SRPK2: variants seen among roughly 807,000 people sequenced by gnomAD.
SRPK2 encodes SRSF protein kinase 2.
Under a neutral mutation model 90.8 loss-of-function variants are expected in SRPK2, and 21 were observed. The ratio of observed to expected loss-of-function variants is 0.23; its 90% CI spans 0.16 to 0.33. The LOEUF (loss-of-function observed/expected upper bound fraction) is 0.33, where lower values mean the gene tolerates loss of function less well. SRPK2 is among the 10% of genes least tolerant of loss of function. SRPK2 has a pLI of 1.00. For missense variants in SRPK2, 620 were observed against 869.0 expected (o/e 0.71, Z 3.60); for synonymous variants, 288 against 311.1 (o/e 0.93, Z 0.78).
At chr7:105,231,938 ACCT>A (rs1401718978) in intron 2 of SRPK2, among the ~76,000 whole-genome samples, 4 of 152,148 alleles carry the variant, frequency 2.6e-5, no homozygotes, top group Non-Finnish European at 4.4e-5. Context: ...ACTCACTGTA[ACCT>A]TGAACTCCTG....
At chr7:105,306,004 G>C (rs958016031) in intron 2 of SRPK2, among the ~76,000 whole-genome samples, 8 of 152,190 alleles carry the variant, frequency 5.3e-5, no homozygotes, top group Non-Finnish European at 4.4e-5. Flanking sequence ...ACAGAAAGGT[G>C]GAGGGCAGGA....
intron 2 of SRPK2, among the ~76,000 whole-genome samples, chr7:105,229,784 C>G (rs1000654376): frequency 5.1e-5 from 7 of 136,736 alleles, no homozygotes; most frequent in Admixed American, 1.6e-4. Context: ...ACTTGCACTG[C>G]TGTGTTCAGC....
chr7:105,388,866 G>A lies in SRPK2; in HGVS notation c.-60C>T, dbSNP rs572744394. On this transcript the variant is annotated 5_prime_UTR_variant, in exon 1 of 16. Coordinates refer to ENST00000393651, the MANE Select transcript of SRPK2 (RefSeq NM_182692.3). ...GACGGCGACGCGGGCGCCGAGACGA[G>A]CTGGGCTGCAGCCTCCACTCGCTCC... 8.9e-5 allele frequency: 116 copies of A among 1,307,392 alleles called. No homozygotes were observed. The East Asian group carries it at 3.4e-3, about 39-fold the overall frequency. 81.0% of individuals were successfully genotyped at this position (1,307,392 alleles called of 1,614,324 possible).
chr7:105,349,196 A>T (rs1816852141), intron 2 of SRPK2, among the ~76,000 whole-genome samples: 1 of 148,336 alleles, frequency 6.7e-6, no homozygotes, highest in East Asian at 2.0e-4. Context: ...GATGGAGGGG[A>T]GGAAGAAATC....
intron 2 of SRPK2, 45 bp from the exon 3 acceptor site, chr7:105,203,830 T>C: frequency 6.5e-7 from 1 of 1,549,334 alleles, no homozygotes; most frequent in Non-Finnish European, 8.7e-7. Flanking sequence ...GAAGTACATC[T>C]TGCATTATGG....
At chr7:105,313,898 G>A (rs958775024) in intron 2 of SRPK2, among the ~76,000 whole-genome samples, 2 of 152,128 alleles carry the variant, frequency 1.3e-5, no homozygotes, top group Non-Finnish European at 2.9e-5. Flanking sequence ...AGAACTGGCA[G>A]TATACAAATG....
intron 7 of SRPK2, among the ~76,000 whole-genome samples, chr7:105,158,848 T>C (rs1301051507): frequency 6.6e-6 from 1 of 151,394 alleles, no homozygotes; most frequent in Non-Finnish European, 1.5e-5. Flanking sequence ...GAGTTGCTGC[T>C]AAATGTTACA....
chr7:105,243,025 T>C (rs1018084182), intron 2 of SRPK2, among the ~76,000 whole-genome samples: 5 of 152,188 alleles, frequency 3.3e-5, no homozygotes, highest in Non-Finnish European at 5.9e-5. Context: ...TTCTTCTTCC[T>C]TTTTAGAGAC....
intron 2 of SRPK2, among the ~76,000 whole-genome samples, chr7:105,358,890 C>T (rs1302394342): frequency 1.3e-5 from 2 of 151,928 alleles, no homozygotes; most frequent in African/African-American, 4.8e-5. Context: ...TCTCAGGCTG[C>T]TTCCACCCAT....
rs1286660967 is a variant in SRPK2 at position 105,160,533 on chromosome 7, G to A, written c.595C>T (p.Arg199Cys). The stretch of plus-strand genomic sequence containing the variant: ...TGTCGAATGATACTCTTCACACAAC[G>A]TACTGGGAGGCCTTGATAGTTGGAT... ...IKSNYQGLPV[R>C]CVKSIIRQVL... Residue 199 changes from arginine (R) to cysteine (C), a missense_variant, in exon 7 of 16, where the codon CGT (arginine) becomes TGT (cysteine). By Grantham distance (180) the Arg-to-Cys change is radical (BLOSUM62 -3). This residue lies in a region of SRPK2 where 196 missense variants were observed against 339.2 expected (regional missense o/e 0.58). Transcript: ENST00000393651. The A allele has an allele frequency of 5.0e-6, 8 of 1,613,284 alleles. No homozygotes were observed. Among genetic ancestry groups the A allele is most frequent in the East Asian group, 2.2e-5 (1 of 44,878 alleles).
intron 15 of SRPK2, among the ~76,000 whole-genome samples, chr7:105,118,444 T>C (rs950985650): frequency 2.0e-5 from 3 of 152,202 alleles, no homozygotes; most frequent in African/African-American, 7.2e-5. Context: ...TCTAAGATCC[T>C]AGGACATTAA....
rs139808636 is a variant in SRPK2, at chr7:105,203,748, G to C, written c.109C>G (p.Pro37Ala). 9 of 1,605,406 alleles carry C rather than the reference G, an allele frequency of 5.6e-6. No homozygotes were observed. In the African/African-American group the frequency reaches 1.2e-4, roughly 21 times the overall value. Residue 37 changes from proline (P) to alanine (A), a missense_variant, in exon 3 of 16, where the codon CCT becomes GCT. Pro to Ala is a conservative substitution (Grantham distance 27). This residue lies in a region of SRPK2 where 56 missense variants were observed against 49.6 expected (regional missense o/e 1.13). Coordinates refer to ENST00000393651, the MANE Select transcript of SRPK2 (RefSeq NM_182692.3). ...PQQKAPLVPPPPPPPPPPPPP... is the reference protein window; with the variant it reads ...PQQKAPLVPPAPPPPPPPPPP... ...GGTGGTGGTGGTGGTGGCGGTGGAG[G>C]AGGAGGAACTAAAGGAGCTTTCTGT... is the stretch of plus-strand genomic sequence containing the variant.
intron 2 of SRPK2, among the ~76,000 whole-genome samples, chr7:105,276,573 TA>T (rs111355343): frequency 4.2e-3 from 583 of 137,300 alleles, no homozygotes; most frequent in Middle Eastern, 7.2e-3. Flanking sequence ...CTTCATCTCT[TA>T]AAAAAAAAAA....
At chr7:105,220,058 G>C (rs1445086841) in intron 2 of SRPK2, among the ~76,000 whole-genome samples, 1 of 152,136 alleles carries the variant, frequency 6.6e-6, no homozygotes, top group African/African-American at 2.4e-5. Context: ...AACTCAAATA[G>C]TATCTGACTT....
intron 2 of SRPK2, among the ~76,000 whole-genome samples, chr7:105,333,275 T>A (rs780794218): frequency 1.2e-4 from 19 of 152,240 alleles, no homozygotes; most frequent in Non-Finnish European, 2.1e-4. Flanking sequence ...AATGTTACAT[T>A]GGAAATTATA....
At chr7:105,289,969 A>C (rs1808737159) in intron 2 of SRPK2, among the ~76,000 whole-genome samples, 1 of 151,990 alleles carries the variant, frequency 6.6e-6, no homozygotes, top group Admixed American at 6.5e-5. Flanking sequence ...AGGAAGGCCA[A>C]AGAGGAGGGA....
At chr7:105,389,810 G>A (rs893625780), upstream of SRPK2, among the ~76,000 whole-genome samples, 1 of 152,158 alleles carries the variant, frequency 6.6e-6, no homozygotes, top group African/African-American at 2.4e-5. Flanking sequence ...TCTTATTTAT[G>A]TAAATAATTA....
intron 7 of SRPK2, among the ~76,000 whole-genome samples, chr7:105,147,795 G>T (rs1229478269): frequency 6.6e-6 from 1 of 151,932 alleles, no homozygotes; most frequent in East Asian, 1.9e-4. Flanking sequence ...TTTGTAACTG[G>T]CATAATGTTT....
At chr7:105,285,439 T>C (rs993532413) in intron 2 of SRPK2, among the ~76,000 whole-genome samples, 4 of 152,028 alleles carry the variant, frequency 2.6e-5, no homozygotes, top group Admixed American at 6.5e-5. Flanking sequence ...AACAGCATTT[T>C]AAGCATGAAA....
Sources: gnomAD v4.1 joint callset for allele counts (sites outside exome capture counted in the v4.1 genomes callset) on GRCh38, gnomAD v4.1.1 for gene constraint, gnomAD v4.1.1 regional missense constraint, MANE v1.5 for transcripts, NCBI Gene and HGNC (gene_info 2026-07-23, HGNC 2026-07-21) for gene names.